The following PRR16 variants were observed in gnomAD, a reference collection of about 807,000 sequenced individuals.
PRR16 encodes protein Largen.
Under a neutral mutation model 18.2 loss-of-function variants are expected in PRR16, and 6 were observed. The ratio of observed to expected loss-of-function variants is 0.33; its 90% CI spans 0.18 to 0.65. The LOEUF is 0.65. PRR16 is among the 30% of genes least tolerant of loss of function. PRR16 has a pLI of 0.74. For missense variants in PRR16, 412 were observed against 376.6 expected, an observed-to-expected ratio of 1.09 and a Z score of -0.78; for synonymous variants, 151 against 147.8, an observed-to-expected ratio of 1.02 and a Z score of -0.16.
intron 1 of PRR16, among the ~76,000 whole-genome samples, chr5:120,505,254 A>C (rs1750602490): frequency 6.6e-6 from 1 of 152,186 alleles, no homozygotes; most frequent in African/African-American, 2.4e-5. Context: ...AGAAATACTG[A>C]AGGGGTCTTT....
chr5:120,517,534 C>T (rs773527136), intron 1 of PRR16, among the ~76,000 whole-genome samples: 2 of 152,016 alleles, frequency 1.3e-5, no homozygotes, highest in African/African-American at 2.4e-5. Flanking sequence ...GAACATAAAT[C>T]GTAAGGAAAG....
At chr5:120,724,042 A>G in the PRR16 span, among the ~76,000 whole-genome samples, 51,307 of 151,038 alleles carry the variant, frequency 0.34, 10,749 homozygotes, top group Middle Eastern at 0.52. Context: ...ATTTTCTTCC[A>G]GTCTTTGAAT....
intron 1 of PRR16, among the ~76,000 whole-genome samples, chr5:120,494,378 G>A (rs1207153731): frequency 6.6e-6 from 1 of 152,020 alleles, no homozygotes; most frequent in East Asian, 1.9e-4. Flanking sequence ...GTCTTGCTAT[G>A]TTGCCCAGGC....
At chr5:120,639,357 C>G (rs1448012942) in intron 1 of PRR16, among the ~76,000 whole-genome samples, 13 of 151,902 alleles carry the variant, frequency 8.6e-5, no homozygotes, top group Non-Finnish European at 1.3e-4. Flanking sequence ...ATTTTGTTTT[C>G]TTTCATGATA....
At chr5:120,564,608 C>T (rs139214618) in intron 1 of PRR16, among the ~76,000 whole-genome samples, 72 of 152,198 alleles carry the variant, frequency 4.7e-4, no homozygotes, top group African/African-American at 1.6e-3. Context: ...AGACTTTCCA[C>T]ACTGCACAGC....
chr5:120,744,462 C>T, the PRR16 span, among the ~76,000 whole-genome samples: 1 of 152,168 alleles, frequency 6.6e-6, no homozygotes, highest in African/African-American at 2.4e-5. Context: ...GTTTTCTTTC[C>T]TGCATATGCT....
intron 1 of PRR16, chr5:120,617,213 A>G (rs1754541326): frequency 1.0e-6 from 1 of 974,678 alleles, no homozygotes; most frequent in Admixed American, 6.2e-5. Context: ...CCTTAACATG[A>G]TGTTTGCAGG....
chr5:120,712,030 T>C, the PRR16 span, among the ~76,000 whole-genome samples: 3 of 152,186 alleles, frequency 2.0e-5, no homozygotes, highest in African/African-American at 7.2e-5. Flanking sequence ...ATTGACAAGT[T>C]TCTGACTGTA....
intron 1 of PRR16, among the ~76,000 whole-genome samples, chr5:120,596,180 T>G (rs1753808903): frequency 6.6e-6 from 1 of 151,344 alleles, no homozygotes; most frequent in African/African-American, 2.4e-5. Context: ...GTGATCAATT[T>G]ACTTATACAA....
chr5:120,699,505 GGA>G, the PRR16 span, among the ~76,000 whole-genome samples: 1 of 152,082 alleles, frequency 6.6e-6, no homozygotes, highest in Non-Finnish European at 1.5e-5. Context: ...GGTAATTGTG[GGA>G]GAGTCAAGAA....
chr5:120,513,736 A>C (rs1289406174), intron 1 of PRR16, among the ~76,000 whole-genome samples: 1 of 151,858 alleles, frequency 6.6e-6, no homozygotes, highest in Non-Finnish European at 1.5e-5. Context: ...GGCCAGACTT[A>C]AGAACATAGA....
At chr5:120,615,924 A>C (rs1266894064) in intron 1 of PRR16, among the ~76,000 whole-genome samples, 3 of 152,080 alleles carry the variant, frequency 2.0e-5, no homozygotes, top group African/African-American at 7.2e-5. Flanking sequence ...GATGAAGTTA[A>C]ACTCCTTGAG....
intron 1 of PRR16, among the ~76,000 whole-genome samples, chr5:120,593,325 G>A (rs6595243): frequency 0.091 from 13,806 of 151,704 alleles, 1,338 homozygotes; most frequent in African/African-American, 0.25. Flanking sequence ...GAACGTTACC[G>A]CTGACCCCAA....
chr5:120,609,055 A>G (rs985269960), intron 1 of PRR16, among the ~76,000 whole-genome samples: 1 of 151,760 alleles, frequency 6.6e-6, no homozygotes, highest in South Asian at 2.1e-4. Context: ...TTCTAAAAAC[A>G]TTTTCTTTTA....
intron 1 of PRR16, among the ~76,000 whole-genome samples, chr5:120,675,103 T>C (rs1264373742): frequency 2.0e-5 from 3 of 152,194 alleles, no homozygotes; most frequent in East Asian, 3.8e-4. Flanking sequence ...TTTGTGTTGT[T>C]GCTTATTTCA....
chr5:120,586,352 TAATA>T (rs1753442946), intron 1 of PRR16, among the ~76,000 whole-genome samples: 1 of 152,158 alleles, frequency 6.6e-6, no homozygotes, highest in African/African-American at 2.4e-5. Flanking sequence ...TCAACTGTAA[TAATA>T]AATTATCTTC....
the PRR16 span, among the ~76,000 whole-genome samples, chr5:120,700,406 G>C: frequency 6.6e-6 from 1 of 152,174 alleles, no homozygotes; most frequent in Non-Finnish European, 1.5e-5. Context: ...TCGCCAAGGA[G>C]GGAGTAGAGG....
At chr5:120,747,162 AT>A in the PRR16 span, among the ~76,000 whole-genome samples, 2 of 151,948 alleles carry the variant, frequency 1.3e-5, no homozygotes, top group South Asian at 2.1e-4. Context: ...CCCCAAACAT[AT>A]TTTTTCATAC....
downstream of PRR16, among the ~76,000 whole-genome samples, chr5:120,690,777 T>C (rs530459343): frequency 6.6e-6 from 1 of 152,280 alleles, no homozygotes; most frequent in South Asian, 2.1e-4. Context: ...AACATAAAAC[T>C]GCAGTTAGCC....
Sources: allele counts gnomAD v4.1 joint callset (sites outside exome capture counted in the v4.1 genomes callset), GRCh38; gene constraint gnomAD v4.1.1; transcripts MANE v1.5; gene names NCBI Gene and HGNC (gene_info 2026-07-23, HGNC 2026-07-21).